The following KIAA1217 variants were observed in gnomAD, a reference collection of about 807,000 sequenced individuals.
KIAA1217 encodes the protein KIAA1217, also known as sickle tail protein homolog.
A neutral mutation model predicts 163.9 loss-of-function variants in KIAA1217; 88 were observed. That is an observed-to-expected ratio of 0.54 (90% CI 0.45 to 0.64). KIAA1217 has a LOEUF of 0.64. Among genes scored for constraint, KIAA1217 ranks in the 30% least tolerant of loss-of-function variants. KIAA1217 has a pLI of 0.00. For synonymous variants in KIAA1217, 903 were observed against 923.1 expected (o/e 0.98, Z 0.39); for missense variants, 2,372 against 2,475.0 (o/e 0.96, Z 0.88).
intron 1 of KIAA1217, among the ~76,000 whole-genome samples, chr10:23,932,218 T>C (rs753859701): frequency 3.3e-5 from 5 of 152,066 alleles, no homozygotes; most frequent in Admixed American, 6.6e-5. Context: ...AGGCATTTGG[T>C]GGAGAAAGGG....
intron 2 of KIAA1217, among the ~76,000 whole-genome samples, chr10:24,141,409 A>G (rs2064076037): frequency 6.6e-6 from 1 of 152,154 alleles, no homozygotes; most frequent in East Asian, 1.9e-4. Flanking sequence ...GTGTAATCAC[A>G]AGAAATATGC....
chr10:24,054,312 A>G (rs1849727992), intron 2 of KIAA1217, among the ~76,000 whole-genome samples: 1 of 152,202 alleles, frequency 6.6e-6, no homozygotes, highest in Non-Finnish European at 1.5e-5. Flanking sequence ...GCAGGACAGA[A>G]GCTATAGACA....
chr10:24,525,716 T>C (rs2072038872), intron 13 of KIAA1217, among the ~76,000 whole-genome samples: 1 of 152,118 alleles, frequency 6.6e-6, no homozygotes, highest in African/African-American at 2.4e-5. Flanking sequence ...AGGCCATGTG[T>C]GGTGGCTCAC....
intron 2 of KIAA1217, among the ~76,000 whole-genome samples, chr10:24,094,260 C>G (rs997768887): frequency 6.6e-6 from 1 of 152,106 alleles, no homozygotes; most frequent in African/African-American, 2.4e-5. Flanking sequence ...AGTTTACAGT[C>G]CCACCAACAG....
At chr10:24,187,383 G>A (rs2066488034) in intron 2 of KIAA1217, among the ~76,000 whole-genome samples, 1 of 152,074 alleles carries the variant, frequency 6.6e-6, no homozygotes, top group Admixed American at 6.6e-5. Context: ...AGTTCAGAGG[G>A]TCCGGCTTCC....
intron 2 of KIAA1217, among the ~76,000 whole-genome samples, chr10:24,126,558 C>T (rs1309456221): frequency 6.6e-6 from 1 of 152,046 alleles, no homozygotes; most frequent in Non-Finnish European, 1.5e-5. Flanking sequence ...ATTATGAGCT[C>T]ATCTTCAATG....
intron 1 of KIAA1217, among the ~76,000 whole-genome samples, chr10:23,755,171 G>A (rs1247332784): frequency 1.3e-5 from 2 of 152,118 alleles, no homozygotes; most frequent in East Asian, 3.9e-4. Context: ...ATTCTTTCCT[G>A]AGCTGGAGAG....
intron 2 of KIAA1217, among the ~76,000 whole-genome samples, chr10:24,193,842 A>T (rs1304176946): frequency 7.3e-6 from 1 of 136,540 alleles, no homozygotes; most frequent in East Asian, 2.1e-4. Context: ...ACACACACAC[A>T]CACAAAGCAG....
chr10:23,979,022 T>C (rs1845654643), intron 1 of KIAA1217, among the ~76,000 whole-genome samples: 1 of 152,172 alleles, frequency 6.6e-6, no homozygotes, highest in Admixed American at 6.5e-5. Context: ...ATGAGCCTCA[T>C]GTTCCCATGA....
At chr10:24,103,363 C>A (rs200986057) in intron 2 of KIAA1217, among the ~76,000 whole-genome samples, 2 of 151,868 alleles carry the variant, frequency 1.3e-5, no homozygotes, top group South Asian at 4.2e-4. Context: ...TTATTAGATA[C>A]AAGAAAAAAG....
At chr10:24,264,323 A>G (rs2075998285) in intron 2 of KIAA1217, among the ~76,000 whole-genome samples, 1 of 152,178 alleles carries the variant, frequency 6.6e-6, no homozygotes, top group African/African-American at 2.4e-5. Context: ...AGACATGCAG[A>G]GGGACAGACA....
chr10:24,245,394 G>T (rs1189835105), intron 2 of KIAA1217, among the ~76,000 whole-genome samples: 3 of 152,182 alleles, frequency 2.0e-5, no homozygotes, highest in Non-Finnish European at 2.9e-5. Context: ...CCATCAGAGA[G>T]AGGCTTCTGT....
At chr10:23,712,018 A>T (rs1837289581) in intron 1 of KIAA1217, among the ~76,000 whole-genome samples, 1 of 152,150 alleles carries the variant, frequency 6.6e-6, no homozygotes, top group South Asian at 2.1e-4. Flanking sequence ...AGACATTGTC[A>T]GAGAATGACC....
chr10:24,064,174 C>G (rs1222116647), intron 2 of KIAA1217, among the ~76,000 whole-genome samples: 1 of 152,158 alleles, frequency 6.6e-6, no homozygotes, highest in African/African-American at 2.4e-5. Flanking sequence ...ACTTCCAACA[C>G]TATGTTGAAT....
At chr10:23,855,005 T>C (rs1416345833) in intron 1 of KIAA1217, among the ~76,000 whole-genome samples, 3 of 152,068 alleles carry the variant, frequency 2.0e-5, no homozygotes, top group Non-Finnish European at 4.4e-5. Context: ...GAGCATTTAG[T>C]CCATTTACAT....
At chr10:24,432,118 CT>C (rs57893341) in intron 3 of KIAA1217, among the ~76,000 whole-genome samples, 13,358 of 116,330 alleles carry the variant, frequency 0.11, 740 homozygotes, top group African/African-American at 0.18. Context: ...AAGTATCGTC[CT>C]TTTTTTTTTT....
At chr10:24,479,243 G>A (rs750343754) in intron 6 of KIAA1217, among the ~76,000 whole-genome samples, 5 of 152,186 alleles carry the variant, frequency 3.3e-5, no homozygotes, top group Non-Finnish European at 7.4e-5. Context: ...AGGATTCAAT[G>A]TTACTATGTT....
chr10:24,052,033 A>G (rs1849552403), intron 2 of KIAA1217, among the ~76,000 whole-genome samples: 1 of 152,026 alleles, frequency 6.6e-6, no homozygotes, highest in Admixed American at 6.6e-5. Flanking sequence ...ACCTAAGCCA[A>G]TTGGCATGGC....
chr10:24,126,170 TG>T (rs1218931463), intron 2 of KIAA1217, among the ~76,000 whole-genome samples: 3 of 152,192 alleles, frequency 2.0e-5, no homozygotes, highest in African/African-American at 7.2e-5. Flanking sequence ...TTGAATTTTT[TG>T]TTTGTTTTAT....
Sources: allele counts gnomAD v4.1 joint callset (sites outside exome capture counted in the v4.1 genomes callset), GRCh38; gene constraint gnomAD v4.1.1; transcripts MANE v1.5; gene names NCBI Gene and HGNC (gene_info 2026-07-23, HGNC 2026-07-21).